Variants in NRXN3 observed in about 807,000 individuals in gnomAD.
The protein encoded by NRXN3 is neurexin III.
A neutral mutation model predicts 137.6 loss-of-function variants in NRXN3; 32 were observed. The observed-to-expected ratio is 0.23, with a 90% CI of 0.18 to 0.31. NRXN3 has a LOEUF of 0.31. NRXN3 is among the 10% of genes least tolerant of loss of function. The pLI is 1.00. For synonymous variants in NRXN3, 798 were observed against 784.5 expected (o/e 1.02, Z -0.29); for missense variants, 1,574 against 2,062.5 (o/e 0.76, Z 4.59).
At chr14:78,387,151 A>G (rs1355800706) in intron 4 of NRXN3, among the ~76,000 whole-genome samples, 1 of 152,182 alleles carries the variant, frequency 6.6e-6, no homozygotes, top group Non-Finnish European at 1.5e-5. Flanking sequence ...GTAGTACTTT[A>G]TGTATAACAA....
intron 16 of NRXN3, among the ~76,000 whole-genome samples, chr14:79,583,122 C>A (rs1487642203): frequency 6.6e-6 from 1 of 152,162 alleles, no homozygotes; most frequent in African/African-American, 2.4e-5. Flanking sequence ...CAGTACAATA[C>A]ATCTAGAGGG....
intron 1 of NRXN3, among the ~76,000 whole-genome samples, chr14:78,199,504 A>G (rs1407166429): frequency 6.6e-6 from 1 of 152,208 alleles, no homozygotes; most frequent in African/African-American, 2.4e-5. Flanking sequence ...TCTGTAAGGT[A>G]GGTATCATAT....
intron 17 of NRXN3, among the ~76,000 whole-genome samples, chr14:79,675,417 C>T (rs933426672): frequency 2.0e-5 from 3 of 152,072 alleles, no homozygotes; most frequent in Admixed American, 2.0e-4. Flanking sequence ...ATAAAACTTG[C>T]TTTACAAAAA....
Position 78,747,204 on chromosome 14 carries a change from A to G in NRXN3, c.2044+32065A>G, listed in dbSNP as rs78718710. 9.1e-3 allele frequency among the ~76,000 whole-genome samples: 1,381 copies of G among 152,300 alleles called. 24 individuals carry two copies. The highest frequency in any genetic ancestry group is 0.031 in the African/African-American group (1,270 of 41,566). ...GCCAGTGTTGTTCGTGAACTTCGGG[A>G]CTAAGACTCCAGCTCAAATCCTATG... On this transcript the variant is annotated intron_variant, in intron 8 of 20. Transcript: ENST00000335750.
At chr14:78,454,580 G>C (rs1598873818) in intron 4 of NRXN3, among the ~76,000 whole-genome samples, 1 of 152,218 alleles carries the variant, frequency 6.6e-6, no homozygotes. Context: ...GATTTGGTCT[G>C]TCTCATTTAA....
intron 16 of NRXN3, among the ~76,000 whole-genome samples, chr14:79,633,128 A>G (rs79628089): frequency 6.6e-6 from 1 of 152,176 alleles, no homozygotes; most frequent in Non-Finnish European, 1.5e-5. Flanking sequence ...GTTCAACACT[A>G]CATGTACCTG....
At chr14:79,274,052 G>A (rs574599682) in intron 15 of NRXN3, among the ~76,000 whole-genome samples, 48 of 148,364 alleles carry the variant, frequency 3.2e-4, no homozygotes, top group Admixed American at 8.1e-4. Flanking sequence ...GCATTGAGCC[G>A]AGATTACGCA....
In NRXN3 at chr14:78,645,399, A is replaced by G. The variant is rs778617913; in HGVS notation, c.1037A>G (p.Lys346Arg). 3.1e-6 allele frequency: 5 copies of G among 1,591,198 alleles called. No homozygotes were observed. The highest frequency in any genetic ancestry group is 3.4e-6 in the Non-Finnish European group (4 of 1,173,982). ...AACGACAACGCCTGGCATGATGTCA[A>G]AGTGACACGCAACCTCCGGCAGGTA... ...KFNDNAWHDV[K>R]VTRNLRQVTI... Residue 346 changes from lysine to arginine, a missense_variant, in exon 5 of 21, where the codon AAA becomes AGA. By Grantham distance (26) the Lys-to-Arg change is conservative. Transcript: ENST00000335750.
chr14:78,935,576 A>G (rs2099335018), intron 10 of NRXN3, among the ~76,000 whole-genome samples: 2 of 152,184 alleles, frequency 1.3e-5, no homozygotes, highest in Admixed American at 1.3e-4. Context: ...TACTGTTTCG[A>G]GAATATTGAC....
intron 10 of NRXN3, among the ~76,000 whole-genome samples, chr14:78,879,859 C>T (rs1314033881): frequency 6.6e-6 from 1 of 151,070 alleles, no homozygotes; most frequent in Admixed American, 6.6e-5. Context: ...CATGGAGGGA[C>T]CCCCCCTGCC....
intron 10 of NRXN3, among the ~76,000 whole-genome samples, chr14:78,933,981 C>A (rs2099328743): frequency 6.6e-6 from 1 of 151,980 alleles, no homozygotes. Flanking sequence ...TTGTAAATAC[C>A]TACGGTTGAT....
intron 6 of NRXN3, chr14:78,698,416 T>A (rs575870227): frequency 9.2e-5 from 14 of 152,216 alleles, no homozygotes; most frequent in African/African-American, 3.4e-4. Flanking sequence ...TCAGAGTAGC[T>A]GCTAACAGCC....
intron 10 of NRXN3, among the ~76,000 whole-genome samples, chr14:78,852,228 C>T (rs1049969503): frequency 6.6e-6 from 1 of 152,128 alleles, no homozygotes; most frequent in Non-Finnish European, 1.5e-5. Context: ...CTTACACATC[C>T]ATCATTGTTA....
intron 8 of NRXN3, among the ~76,000 whole-genome samples, chr14:78,789,683 A>G (rs997435383): frequency 6.6e-6 from 1 of 152,180 alleles, no homozygotes; most frequent in African/African-American, 2.4e-5. Flanking sequence ...ACTATCATTC[A>G]CCAGATTCTG....
intron 16 of NRXN3, among the ~76,000 whole-genome samples, chr14:79,574,949 C>CT (rs1331605260): frequency 6.8e-6 from 1 of 146,922 alleles, no homozygotes; most frequent in African/African-American, 2.6e-5. Context: ...GACATTCTTG[C>CT]TTTAAAAAAA....
chr14:78,909,787 C>T (rs1190842463), intron 10 of NRXN3, among the ~76,000 whole-genome samples: 1 of 152,028 alleles, frequency 6.6e-6, no homozygotes, highest in African/African-American at 2.4e-5. Flanking sequence ...ATGTTGAGAA[C>T]AAAGTGTGTA....
intron 15 of NRXN3, among the ~76,000 whole-genome samples, chr14:79,064,505 G>A (rs2099678231): frequency 6.6e-6 from 1 of 151,836 alleles, no homozygotes; most frequent in South Asian, 2.1e-4. Context: ...GTCTATAGTT[G>A]GTTCCCTAAA....
At chr14:78,407,213 C>G (rs1169412004) in intron 4 of NRXN3, among the ~76,000 whole-genome samples, 1 of 151,872 alleles carries the variant, frequency 6.6e-6, no homozygotes, top group Non-Finnish European at 1.5e-5. Context: ...TCTTTCTTTT[C>G]CAGAAAAGCA....
chr14:79,850,855 A>G (rs1276119273), intron 20 of NRXN3, among the ~76,000 whole-genome samples: 1 of 152,190 alleles, frequency 6.6e-6, no homozygotes, highest in African/African-American at 2.4e-5. Flanking sequence ...CTAATGGTTG[A>G]CTTATATGGT....
Sources: gnomAD v4.1 joint callset for allele counts (sites outside exome capture counted in the v4.1 genomes callset) on GRCh38, gnomAD v4.1.1 for gene constraint, MANE v1.5 for transcripts, NCBI Gene and HGNC (gene_info 2026-07-23, HGNC 2026-07-21) for gene names.